UNC13C: variants seen among roughly 807,000 people sequenced by gnomAD.
The protein encoded by UNC13C is unc-13 homolog C.
In UNC13C, 174 loss-of-function variants were observed where a neutral mutation model predicts 245.4. The observed-to-expected ratio is 0.71, with a 90% confidence interval of 0.63 to 0.80. UNC13C has a LOEUF of 0.80. UNC13C is among the 30% of genes least tolerant of loss of function. UNC13C has a pLI of 0.00. For synonymous variants in UNC13C, 992 were observed against 895.1 expected (o/e 1.11, Z -1.93); for missense variants, 2,829 against 2,602.9 (o/e 1.09, Z -1.89).
chr15:54,113,592 C>T (rs912501240), intron 2 of UNC13C, among the ~76,000 whole-genome samples: 8 of 152,072 alleles, frequency 5.3e-5, no homozygotes, highest in South Asian at 4.2e-4. Context: ...TTTGGGAGGC[C>T]GAGGCGGGTG....
At chr15:54,500,616 C>T (rs576367792) in intron 21 of UNC13C, among the ~76,000 whole-genome samples, 2 of 152,222 alleles carry the variant, frequency 1.3e-5, no homozygotes, top group South Asian at 4.1e-4. Context: ...CTCAATTCAG[C>T]AGTGGAAAAA....
chr15:54,544,242 C>T (rs1225308124), intron 26 of UNC13C, among the ~76,000 whole-genome samples: 1 of 152,160 alleles, frequency 6.6e-6, no homozygotes, highest in African/African-American at 2.4e-5. Flanking sequence ...TAAAATTCAA[C>T]AGCCCTTGAT....
At chr15:54,257,788 A>G (rs1284957029) in intron 8 of UNC13C, among the ~76,000 whole-genome samples, 1 of 152,238 alleles carries the variant, frequency 6.6e-6, no homozygotes, top group East Asian at 1.9e-4. Flanking sequence ...GGAGCCTGCT[A>G]ACTTGAAGAC....
chr15:53,864,078 A>C, the UNC13C span, among the ~76,000 whole-genome samples: 1 of 152,066 alleles, frequency 6.6e-6, no homozygotes. Context: ...GCCTTGTTTT[A>C]CTTTTCCACT....
intron 2 of UNC13C, among the ~76,000 whole-genome samples, chr15:54,138,291 T>A (rs1159681725): frequency 6.6e-6 from 1 of 152,150 alleles, no homozygotes; most frequent in African/African-American, 2.4e-5. Flanking sequence ...TGTGTCATTT[T>A]AAAATATTTT....
chr15:53,980,794 G>A (rs77096934), intron 1 of UNC13C, among the ~76,000 whole-genome samples: 2,213 of 152,230 alleles, frequency 0.015, 22 homozygotes, highest in Non-Finnish European at 0.024. Flanking sequence ...GCAAAGCCTA[G>A]AGAAATCACT....
At chr15:54,157,710 A>T (rs966913390) in intron 4 of UNC13C, among the ~76,000 whole-genome samples, 14 of 152,200 alleles carry the variant, frequency 9.2e-5, no homozygotes, top group African/African-American at 3.4e-4. Flanking sequence ...TCATTTAGAG[A>T]ATTAAATGTC....
intron 18 of UNC13C, among the ~76,000 whole-genome samples, chr15:54,409,311 A>G (rs961955447): frequency 6.6e-6 from 1 of 151,342 alleles, no homozygotes; most frequent in Non-Finnish European, 1.5e-5. Context: ...TGTCTTTTAT[A>G]TAAGCTGTAT....
the UNC13C span, among the ~76,000 whole-genome samples, chr15:53,856,372 G>GT: frequency 0.02 from 2,585 of 131,722 alleles, 50 homozygotes; most frequent in East Asian, 0.088. Context: ...TGGTTCTCTA[G>GT]TTTTTTTTTG....
Position 54,012,889 on chromosome 15 carries a change from C to T in UNC13C, c.-15C>T. On this transcript the variant is annotated 5_prime_UTR_variant, in exon 2 of 33. Transcript: ENST00000260323. The stretch of plus-strand genomic sequence containing the variant: ...TACTTTTCTGGGGCAGAAAAGCTTG[C>T]ACTAATTGCTCTCCATGGTGGCTAA... 2 of 1,559,564 alleles carry T rather than the reference C, an allele frequency of 1.3e-6. No homozygotes were observed. The highest frequency in any genetic ancestry group is 1.2e-5 in the South Asian group (1 of 82,206).
intron 10 of UNC13C, among the ~76,000 whole-genome samples, chr15:54,278,315 T>G (rs1261822814): frequency 6.6e-6 from 1 of 152,140 alleles, no homozygotes; most frequent in East Asian, 1.9e-4. Flanking sequence ...GCTCCCTACT[T>G]TAGAGTCACA....
At chr15:53,899,645 A>G in the UNC13C span, among the ~76,000 whole-genome samples, 1 of 152,090 alleles carries the variant, frequency 6.6e-6, no homozygotes, top group African/African-American at 2.4e-5. Flanking sequence ...GCTCACCGCA[A>G]CATCCACCTC....
chr15:54,049,000 G>C (rs1324852613), intron 2 of UNC13C: 2 of 377,228 alleles, frequency 5.3e-6, no homozygotes, highest in Admixed American at 8.0e-5. Flanking sequence ...ATTGTTCCAA[G>C]TTTGAGAATT....
intron 25 of UNC13C, among the ~76,000 whole-genome samples, chr15:54,529,686 G>A (rs990420576): frequency 4.6e-5 from 7 of 152,172 alleles, no homozygotes; most frequent in Non-Finnish European, 1.0e-4. Flanking sequence ...TATGCACTTA[G>A]ATACTTCTCA....
chr15:53,890,650 G>T, the UNC13C span, among the ~76,000 whole-genome samples: 1 of 152,128 alleles, frequency 6.6e-6, no homozygotes, highest in Admixed American at 6.5e-5. Context: ...GTTTATTTGC[G>T]TAGAGGTGTT....
chr15:54,439,091 C>T (rs982954751), intron 19 of UNC13C, among the ~76,000 whole-genome samples: 5 of 151,878 alleles, frequency 3.3e-5, no homozygotes, highest in African/African-American at 1.2e-4. Flanking sequence ...TCCTAGAAGC[C>T]AGGCTGCTCA....
Position 54,250,332 on chromosome 15 carries a change from T to C in UNC13C, c.3336T>C (p.Tyr1112=), listed in dbSNP as rs2036112075. The change falls in exon 8 of 33, where the codon TAT becomes TAC. Residue 1112 remains tyrosine (Y), a synonymous_variant. Transcript: ENST00000260323. ...VWTATTPTYC[Y]ECEGLLWGIA... ...CGGCTACCACACCCACCTACTGTTA[T>C]GAGTGTGAAGGGCTCCTGTGGGGCA... 6.2e-7 allele frequency: 1 copy of C among 1,613,906 alleles called. No homozygotes were observed. Among genetic ancestry groups the C allele is most frequent in the Non-Finnish European group, 8.5e-7 (1 of 1,179,854 alleles).
intron 2 of UNC13C, among the ~76,000 whole-genome samples, chr15:54,059,392 G>A (rs11071019): frequency 0.23 from 34,489 of 151,930 alleles, 5,162 homozygotes; most frequent in African/African-American, 0.43. Context: ...AAATACCTAG[G>A]AATCCAACTT....
intron 2 of UNC13C, among the ~76,000 whole-genome samples, chr15:54,076,341 G>A (rs1411741266): frequency 2.9e-5 from 4 of 139,828 alleles, no homozygotes; most frequent in South Asian, 2.2e-4. Flanking sequence ...TCCCACCTAT[G>A]AGTGAGAATA....
Sources: gnomAD v4.1 joint callset for allele counts (sites outside exome capture counted in the v4.1 genomes callset) on GRCh38, gnomAD v4.1.1 for gene constraint, MANE v1.5 for transcripts, NCBI Gene and HGNC (gene_info 2026-07-23, HGNC 2026-07-21) for gene names.